EPHA4: variants seen among roughly 807,000 people sequenced by gnomAD.
The protein encoded by EPHA4 is ephrin type-A receptor 4.
EPHA4 carries 19 observed loss-of-function variants against 108.3 expected under a neutral mutation model. The observed-to-expected ratio is 0.18, with a 90% confidence interval of 0.12 to 0.26. The LOEUF (loss-of-function observed/expected upper bound fraction) is 0.26, where lower values mean the gene tolerates loss of function less well. Ranked by LOEUF, EPHA4 falls within the 10% of genes least tolerant of loss-of-function variation. The probability of loss-of-function intolerance (pLI) is 1.00; values close to 1 mark genes in which losing one functional copy is unlikely to be tolerated. For missense variants in EPHA4, 917 were observed against 1,254.0 expected (o/e 0.73, Z 4.06); for synonymous variants, 449 against 455.5 (o/e 0.99, Z 0.18).
rs34200694 is a variant in EPHA4, at chr2:221,432,818, A to ATT, written c.2496+1322_2496+1323dup. Among the ~76,000 whole-genome samples the ATT allele has an allele frequency of 8.6e-3, 761 of 88,970 alleles. 14 individuals are homozygous for ATT. The highest frequency in any genetic ancestry group is 0.01 in the Non-Finnish European group (475 of 46,230). 58.4% of individuals were successfully genotyped at this position (88,970 alleles called of 152,430 possible). On this transcript the variant is annotated intron_variant, in intron 14 of 17. Transcript: ENST00000281821. ...ACCACCACGCCCAGCAAATCTTTGT[A>ATT]TTTTTTTTTTTTTTTTTTTTTTTTG...
chr2:221,547,779 G>A (rs1158266745), intron 3 of EPHA4, among the ~76,000 whole-genome samples: 2 of 152,150 alleles, frequency 1.3e-5, no homozygotes, highest in Non-Finnish European at 2.9e-5. Context: ...GGTTCAAATT[G>A]TCAAGCAGTA....
intron 14 of EPHA4, among the ~76,000 whole-genome samples, chr2:221,431,836 T>G (rs1178199853): frequency 6.6e-6 from 1 of 152,218 alleles, no homozygotes; most frequent in African/African-American, 2.4e-5. Flanking sequence ...CTCAGTTTAC[T>G]ACTAAATATT....
intron 3 of EPHA4, among the ~76,000 whole-genome samples, chr2:221,556,710 C>T (rs1176346119): frequency 6.6e-6 from 1 of 151,806 alleles, no homozygotes. Flanking sequence ...GTTTTGCCTA[C>T]CGAAGGTACA....
rs1277184371 is a variant in EPHA4, at chr2:221,425,837, C to T, written c.*191G>A. 1.7e-6 allele frequency: 1 copy of T among 583,062 alleles called. No individual in the cohort carries two copies. Among genetic ancestry groups the T allele is most frequent in the African/African-American group, 1.9e-5 (1 of 53,362 alleles). 36.1% of individuals were successfully genotyped at this position (583,062 alleles called of 1,614,324 possible). On this transcript the variant is annotated 3_prime_UTR_variant, in exon 17 of 18. Transcript: ENST00000281821. Reference sequence around the variant, plus strand: ...TTTGTTCCAGGTCTCATTCAAATGACCGGCAGTCATTTCTGTAAGCCCCAC... The same window carrying T: ...TTTGTTCCAGGTCTCATTCAAATGATCGGCAGTCATTTCTGTAAGCCCCAC...
At position 221,549,195 on chromosome 2, in the gene EPHA4, C is replaced by G. The variant is rs552425271; in HGVS notation, c.823+14536G>C. 2.6e-5 allele frequency among the ~76,000 whole-genome samples: 4 copies of G among 152,294 alleles called. No homozygotes were observed. In the East Asian group the frequency reaches 7.7e-4, roughly 29 times the overall value. ...CATCACACTCTACTCTTGCCTAGTT[C>G]AAAATGCTAAACAGTTCTTCTTTAT... On this transcript the variant is annotated intron_variant, in intron 3 of 17. Transcript: ENST00000281821.
intron 3 of EPHA4, among the ~76,000 whole-genome samples, chr2:221,530,596 A>G (rs774924291): frequency 6.6e-6 from 1 of 152,220 alleles, no homozygotes; most frequent in Non-Finnish European, 1.5e-5. Context: ...GACCTCCTGG[A>G]CATCCTTCTT....
chr2:221,552,918 G>C (rs760718592), intron 3 of EPHA4, among the ~76,000 whole-genome samples: 1 of 152,116 alleles, frequency 6.6e-6, no homozygotes, highest in African/African-American at 2.4e-5. Flanking sequence ...TTAAACTGAT[G>C]TAAAACATTA....
chr2:221,457,834 A>C, intron 6 of EPHA4, 32 bp downstream of exon 6: 2 of 1,595,750 alleles, frequency 1.3e-6, no homozygotes, highest in Non-Finnish European at 1.7e-6. Flanking sequence ...GGAAGGAAGA[A>C]AGGAAAGGAG....
At chr2:221,545,297 G>A (rs1278625050) in intron 3 of EPHA4, among the ~76,000 whole-genome samples, 1 of 151,960 alleles carries the variant, frequency 6.6e-6, no homozygotes, top group Non-Finnish European at 1.5e-5. Flanking sequence ...GTGAAACTCC[G>A]TCTCTACTAA....
At chr2:221,433,394 C>T (rs1559237597) in intron 14 of EPHA4, among the ~76,000 whole-genome samples, 1 of 152,188 alleles carries the variant, frequency 6.6e-6, no homozygotes, top group Non-Finnish European at 1.5e-5. Context: ...GTATAGGTGG[C>T]CATTTAATTT....
At chr2:221,451,566 A>C (rs1233304749) in intron 8 of EPHA4, among the ~76,000 whole-genome samples, 1 of 152,222 alleles carries the variant, frequency 6.6e-6, no homozygotes, top group Non-Finnish European at 1.5e-5. Flanking sequence ...GGTTTGAAAT[A>C]AAATTTATAG....
chr2:221,440,610 T>TTCTCACCAAGGTTCC (rs1690395683), intron 11 of EPHA4, among the ~76,000 whole-genome samples: 1 of 140,484 alleles, frequency 7.1e-6, no homozygotes, highest in African/African-American at 2.9e-5. Flanking sequence ...CAAGGTTCCT[T>TTCTCACCAAGGTTCC]TTTTTTTTTT....
intron 3 of EPHA4, among the ~76,000 whole-genome samples, chr2:221,554,700 A>C (rs977799337): frequency 6.6e-5 from 10 of 152,208 alleles, no homozygotes; most frequent in African/African-American, 2.4e-4. Flanking sequence ...GACATAAGTG[A>C]AAATATGAAA....
At chr2:221,499,827 G>A (rs561562120) in intron 4 of EPHA4, among the ~76,000 whole-genome samples, 24 of 132,130 alleles carry the variant, frequency 1.8e-4, no homozygotes, top group East Asian at 6.8e-4. Flanking sequence ...GTGCGATCTC[G>A]CCTCTCTGCA....
At chr2:221,427,204 A>C (rs1262064814) in intron 15 of EPHA4, among the ~76,000 whole-genome samples, 1 of 152,202 alleles carries the variant, frequency 6.6e-6, no homozygotes, top group Non-Finnish European at 1.5e-5. Flanking sequence ...TCCATGCCTG[A>C]CCAGCACGAG....
chr2:221,452,728 G>T (rs1200032816), intron 8 of EPHA4, among the ~76,000 whole-genome samples: 1 of 152,012 alleles, frequency 6.6e-6, no homozygotes, highest in Non-Finnish European at 1.5e-5. Flanking sequence ...TTTTAATGGG[G>T]GAGAAGGGAC....
intron 6 of EPHA4, 125 bp downstream of exon 6, chr2:221,457,741 G>A: frequency 9.6e-7 from 1 of 1,043,396 alleles, no homozygotes; most frequent in Non-Finnish European, 1.3e-6. Flanking sequence ...GGATGGGAAG[G>A]AGTCGAGGAA....
At chr2:221,528,281 A>C (rs1215369599) in intron 3 of EPHA4, among the ~76,000 whole-genome samples, 1 of 152,184 alleles carries the variant, frequency 6.6e-6, no homozygotes, top group Non-Finnish European at 1.5e-5. Context: ...GACCAGCATA[A>C]AATAGCAAAT....
chr2:221,552,541 G>A (rs1694193295), intron 3 of EPHA4, among the ~76,000 whole-genome samples: 1 of 152,224 alleles, frequency 6.6e-6, no homozygotes, highest in South Asian at 2.1e-4. Flanking sequence ...GGAGGGTAAA[G>A]GAGCCAGAAA....
Sources: gnomAD v4.1 joint callset for allele counts (sites outside exome capture counted in the v4.1 genomes callset) on GRCh38, gnomAD v4.1.1 for gene constraint, MANE v1.5 for transcripts, NCBI Gene and HGNC (gene_info 2026-07-23, HGNC 2026-07-21) for gene names.